Variants in PLXDC2 observed in about 807,000 individuals in gnomAD.
PLXDC2 encodes plexin domain-containing protein 2.
A neutral mutation model predicts 68.9 loss-of-function variants in PLXDC2; 40 were observed. The observed-to-expected ratio is 0.58, with a 90% confidence interval of 0.45 to 0.76. PLXDC2 has a LOEUF of 0.76. Ranked by LOEUF, PLXDC2 falls within the 30% of genes least tolerant of loss-of-function variation. The probability of loss-of-function intolerance (pLI) is 0.00; values close to 1 mark genes in which losing one functional copy is unlikely to be tolerated. For synonymous variants in PLXDC2, 243 were observed against 234.2 expected (o/e 1.04, Z -0.34); for missense variants, 644 against 661.9 (o/e 0.97, Z 0.30).
intron 3 of PLXDC2, among the ~76,000 whole-genome samples, chr10:20,049,966 C>T (rs1835863537): frequency 6.6e-6 from 1 of 152,078 alleles, no homozygotes; most frequent in Admixed American, 6.6e-5. Context: ...AATTATACTG[C>T]AGGGCTGAAG....
chr10:19,970,945 A>G (rs1489633335), intron 1 of PLXDC2, among the ~76,000 whole-genome samples: 1 of 152,196 alleles, frequency 6.6e-6, no homozygotes, highest in African/African-American at 2.4e-5. Flanking sequence ...CCAATCTCAC[A>G]GAAGGATTTG....
chr10:20,232,117 G>A (rs545859523), intron 12 of PLXDC2, among the ~76,000 whole-genome samples: 1 of 152,232 alleles, frequency 6.6e-6, no homozygotes, highest in East Asian at 1.9e-4. Flanking sequence ...CAAAGGACTT[G>A]TATCCAGAAA....
chr10:20,168,106 C>T (rs1834398212), intron 7 of PLXDC2, among the ~76,000 whole-genome samples: 1 of 151,788 alleles, frequency 6.6e-6, no homozygotes, highest in African/African-American at 2.4e-5. Flanking sequence ...TCTGAGTTTA[C>T]AAGAGAAATA....
intron 4 of PLXDC2, among the ~76,000 whole-genome samples, chr10:20,074,304 A>G: frequency 6.6e-6 from 1 of 152,160 alleles, no homozygotes; most frequent in East Asian, 1.9e-4. Context: ...TAAAATGTTT[A>G]TTAAGTAATA....
chr10:20,213,683 G>A (rs1373980026), intron 10 of PLXDC2, among the ~76,000 whole-genome samples: 1 of 152,090 alleles, frequency 6.6e-6, no homozygotes, highest in East Asian at 1.9e-4. Context: ...GACTAATTGA[G>A]TCATCATCAG....
chr10:20,157,353 C>T (rs181464896), intron 6 of PLXDC2, among the ~76,000 whole-genome samples: 1 of 152,192 alleles, frequency 6.6e-6, no homozygotes, highest in African/African-American at 2.4e-5. Context: ...TGATTCACAC[C>T]TTGGAACACA....
chr10:19,937,027 T>C (rs1833736503), intron 1 of PLXDC2, among the ~76,000 whole-genome samples: 2 of 152,238 alleles, frequency 1.3e-5, no homozygotes, highest in South Asian at 4.1e-4. Flanking sequence ...ATTGACTTTG[T>C]AAATGTCTCT....
intron 9 of PLXDC2, among the ~76,000 whole-genome samples, chr10:20,197,380 G>T (rs1044026660): frequency 6.6e-6 from 1 of 152,102 alleles, no homozygotes; most frequent in African/African-American, 2.4e-5. Context: ...TTTGTTTGAA[G>T]GAGTCTTGCT....
Position 19,830,740 on chromosome 10 carries a change from G to GTT in PLXDC2, c.112+13559_112+13560dup, listed in dbSNP as rs11408354. The stretch of plus-strand genomic sequence containing the variant: ...CTAACTATGCTCCGGAAAAGAGAAG[G>GTT]TTTTTTTTTTTCCTGGGAGTTGTTG... On this transcript the variant is annotated intron_variant, in intron 1 of 13. Transcript: ENST00000377252. 8.9e-3 allele frequency among the ~76,000 whole-genome samples: 1,332 copies of GTT among 149,090 alleles called. 10 individuals carry two copies. Among genetic ancestry groups the GTT allele is most frequent in the Middle Eastern group, 0.032 (9 of 284 alleles).
intron 1 of PLXDC2, among the ~76,000 whole-genome samples, chr10:19,934,270 C>G (rs948271273): frequency 6.6e-6 from 1 of 152,156 alleles, no homozygotes; most frequent in Non-Finnish European, 1.5e-5. Flanking sequence ...ATGCTCATGA[C>G]CATTCTTGAG....
chr10:19,927,478 G>A (rs1279789447), intron 1 of PLXDC2, among the ~76,000 whole-genome samples: 1 of 151,960 alleles, frequency 6.6e-6, no homozygotes, highest in African/African-American at 2.4e-5. Flanking sequence ...AAGTCAGGCG[G>A]ATCAAGAAGT....
intron 1 of PLXDC2, among the ~76,000 whole-genome samples, chr10:19,950,847 C>A (rs890764712): frequency 6.6e-6 from 1 of 152,192 alleles, no homozygotes; most frequent in Non-Finnish European, 1.5e-5. Flanking sequence ...AATAAAGCCA[C>A]ATACCTACAA....
chr10:20,073,189 T>G (rs879261465), intron 4 of PLXDC2, among the ~76,000 whole-genome samples: 2 of 152,220 alleles, frequency 1.3e-5, no homozygotes, highest in Non-Finnish European at 2.9e-5. Flanking sequence ...AGTGATATGT[T>G]TTCATGGTGA....
chr10:20,276,630 A>G (rs1836010332), intron 13 of PLXDC2, among the ~76,000 whole-genome samples: 1 of 152,130 alleles, frequency 6.6e-6, no homozygotes, highest in African/African-American at 2.4e-5. Context: ...GAGTTCTTCA[A>G]TTTTCAGCAT....
At chr10:20,182,181 A>C (rs1313096728) in intron 9 of PLXDC2, among the ~76,000 whole-genome samples, 3 of 151,640 alleles carry the variant, frequency 2.0e-5, no homozygotes, top group Non-Finnish European at 4.4e-5. Flanking sequence ...AAAAAGCGTA[A>C]ATTCCCATGT....
intron 2 of PLXDC2, among the ~76,000 whole-genome samples, chr10:20,011,865 G>A (rs1835119919): frequency 6.6e-6 from 1 of 152,188 alleles, no homozygotes; most frequent in African/African-American, 2.4e-5. Context: ...ACTAATGCCA[G>A]TTGGGTACAC....
chr10:19,925,288 T>C (rs1271153959), intron 1 of PLXDC2, among the ~76,000 whole-genome samples: 1 of 152,200 alleles, frequency 6.6e-6, no homozygotes. Context: ...GCATGCACTG[T>C]AGCAGCCAAG....
chr10:20,172,970 C>G (rs1834468678), intron 7 of PLXDC2, among the ~76,000 whole-genome samples: 1 of 152,134 alleles, frequency 6.6e-6, no homozygotes, highest in African/African-American at 2.4e-5. Flanking sequence ...ATGATTCTGG[C>G]AAATGCATTT....
At chr10:20,202,076 G>A (rs1247322832) in intron 9 of PLXDC2, among the ~76,000 whole-genome samples, 1 of 152,088 alleles carries the variant, frequency 6.6e-6, no homozygotes, top group Non-Finnish European at 1.5e-5. Context: ...TTTTCAAATT[G>A]TGTGCGGCAG....
Sources: gnomAD v4.1 joint callset for allele counts (sites outside exome capture counted in the v4.1 genomes callset) on GRCh38, gnomAD v4.1.1 for gene constraint, MANE v1.5 for transcripts, NCBI Gene and HGNC (gene_info 2026-07-23, HGNC 2026-07-21) for gene names.